Variants in FHOD1 observed in about 807,000 individuals in gnomAD.
FHOD1 encodes the protein formin homology 2 domain containing 1.
FHOD1 carries 89 observed loss-of-function variants against 111.6 expected under a neutral mutation model. That is an observed-to-expected ratio of 0.80 (90% confidence interval 0.67 to 0.95). FHOD1 has a LOEUF of 0.95. Ranked by LOEUF, FHOD1 falls within the 40% of genes least tolerant of loss-of-function variation. The pLI is 0.00. For missense variants in FHOD1, 1,446 were observed against 1,554.2 expected, an observed-to-expected ratio of 0.93 and a Z score of 1.17; for synonymous variants, 618 against 639.0, an observed-to-expected ratio of 0.97 and a Z score of 0.50.
At chr16:67,236,132 C>T in intron 11 of FHOD1, 2 of 717,844 alleles carry the variant, frequency 2.8e-6, no homozygotes, top group Non-Finnish European at 3.4e-6. Flanking sequence ...GTTGCTCATA[C>T]CCACACAGAG....
chr16:67,247,325 A>T lies in FHOD1; in HGVS notation c.86T>A (p.Phe29Tyr). Residue 29 changes from phenylalanine to tyrosine, a missense_variant, in exon 1 of 22, where the codon TTC becomes TAC. By Grantham distance (22) the Phe-to-Tyr change is conservative. Transcript: ENST00000258201. ...CGGCTCCGGAAAGTTGGCACATGCG[A>T]AGGGGTCGGTGTCTTCCAGGTACTG... The part of the protein sequence containing the change: ...RVQYLEDTDP[F>Y]ACANFPEPRR... 6.2e-7 allele frequency: 1 copy of T among 1,613,602 alleles called. No homozygotes were observed. The highest frequency in any genetic ancestry group is 8.5e-7 in the Non-Finnish European group (1 of 1,179,812).
At position 67,237,545 on chromosome 16, in the gene FHOD1, A is replaced by G; in HGVS notation, c.779T>C (p.Val260Ala). The G allele has an allele frequency of 1.9e-6, 3 of 1,614,148 alleles. No individual in the cohort carries two copies. Among genetic ancestry groups the G allele is most frequent in the South Asian group, 1.1e-5 (1 of 91,082 alleles). Residue 260 changes from valine (V) to alanine (A), a missense_variant, in exon 8 of 22, where the codon GTG becomes GCG. Val to Ala is a moderately conservative substitution (Grantham distance 64). This residue lies in a region of FHOD1 where 234 missense variants were observed against 327.4 expected (regional missense o/e 0.71). Coordinates refer to ENST00000258201, the MANE Select transcript of FHOD1 (RefSeq NM_013241.3). The surrounding 1 kb of genome is among the most constrained non-coding windows in gnomAD (Gnocchi z 5.6). ...TTGAPPWANL[V>A]SILEEKNGAD... Reference sequence around the variant, plus strand: ...GCCATTCTTCTCCTCCAGGATGGACACCAGATTGGCCCAGGGAGGAGCACC... The same window carrying G: ...GCCATTCTTCTCCTCCAGGATGGACGCCAGATTGGCCCAGGGAGGAGCACC...
Position 67,230,183 on chromosome 16 carries a change from A to G in FHOD1, c.3097T>C (p.Ser1033Pro). Residue 1033 changes from serine to proline, a missense_variant, in exon 20 of 22, where the codon TCT (serine) becomes CCT (proline). Transcript: ENST00000258201. ...GVAGEAPSNP[S>P]VPVAVSSGPG... ...CCGCTGCTCACTGCTACTGGGACAG[A>G]GGGGTTGCTGGGGGCTTCCCCAGCC... 1 of 1,613,988 alleles carries G rather than the reference A, an allele frequency of 6.2e-7. No individual in the cohort carries two copies. Among genetic ancestry groups the G allele is most frequent in the Non-Finnish European group, 8.5e-7 (1 of 1,179,910 alleles).
At chr16:67,246,032 G>A (rs966891475) in intron 1 of FHOD1, among the ~76,000 whole-genome samples, 8 of 152,206 alleles carry the variant, frequency 5.3e-5, no homozygotes, top group Non-Finnish European at 8.8e-5. Context: ...GGTGAGCAGT[G>A]TCCTGCATCC....
chr16:67,237,070 G>T lies in FHOD1; in HGVS notation c.1038C>A (p.Gly346=), dbSNP rs1174654331. 2 of 1,613,042 alleles carry T rather than the reference G, an allele frequency of 1.2e-6. No individual in the cohort carries two copies. The highest frequency in any genetic ancestry group is 1.7e-6 in the Non-Finnish European group (2 of 1,179,718). ...LEDGDIEEAP[G]AGGRRERRKP... is the part of the protein sequence containing the mutation. ...TTCGTCGTTCCCGCCGCCCACCAGCGCCTGGGGCTTCTTCGATGTCTCCAT... is the reference window on the plus strand; with the variant it reads ...TTCGTCGTTCCCGCCGCCCACCAGCTCCTGGGGCTTCTTCGATGTCTCCAT... Residue 346 remains glycine, a synonymous_variant, in exon 10 of 22, where the codon GGC becomes GGA. Coordinates refer to ENST00000258201, the MANE Select transcript of FHOD1 (RefSeq NM_013241.3). The surrounding 1 kb of genome is among the most constrained non-coding windows in gnomAD (Gnocchi z 5.6).
chr16:67,236,791 A>C, intron 10 of FHOD1, 58 bp from the exon 11 acceptor site: 1 of 275,638 alleles, frequency 3.6e-6, no homozygotes, highest in Non-Finnish European at 4.4e-6. Flanking sequence ...GGGGCCTGTC[A>C]GTGGGGTGGG....
At position 67,232,108 on chromosome 16, in the gene FHOD1, T is replaced by TAA. The variant is rs1421343732; in HGVS notation, c.2132_2133insTT (p.Pro712TyrfsTer27). On this transcript the variant is annotated frameshift_variant, in exon 14 of 22. Coordinates refer to ENST00000258201, the MANE Select transcript of FHOD1 (RefSeq NM_013241.3). LOFTEE classifies it high-confidence loss of function. ...GAGCAGCCTTAATGACATGCACAGG[T>TAA]GGCAGTGTGGTTAGGCCGATGTTGA... The TAA allele has an allele frequency of 1.2e-6, 2 of 1,614,056 alleles. No individual in the cohort carries two copies. Among genetic ancestry groups the TAA allele is most frequent in the African/African-American group, 2.7e-5 (2 of 74,912 alleles).
At chr16:67,244,783 G>A (rs1374724704) in intron 1 of FHOD1, among the ~76,000 whole-genome samples, 1 of 152,170 alleles carries the variant, frequency 6.6e-6, no homozygotes, top group Non-Finnish European at 1.5e-5. Flanking sequence ...CTGTACATAG[G>A]ACGAAGCAAT....
chr16:67,239,466 G>A lies in FHOD1; in HGVS notation c.202-12C>T. 1 of 1,601,288 alleles carries A rather than the reference G, an allele frequency of 6.2e-7. No homozygotes were observed. The highest frequency in any genetic ancestry group is 2.2e-5 in the East Asian group (1 of 44,820). On this transcript the variant is annotated splice_polypyrimidine_tract_variant and intron_variant, in intron 1 of 21. Transcript: ENST00000258201. ...GCACAATCCTCCAACTGGGGGCAAA[G>A]GGAACAGCTGTGAGACTGAGGAAGA...
In FHOD1 at chr16:67,231,458, G is replaced by A. The variant is rs1238484050; in HGVS notation, c.2477C>T (p.Ala826Val). Residue 826 changes from alanine to valine, a missense_variant, in exon 16 of 22, where the codon GCG (alanine) becomes GTG (valine). Coordinates refer to ENST00000258201, the MANE Select transcript of FHOD1 (RefSeq NM_013241.3). This position sits in a 1 kb window ranked among gnomAD's most constrained non-coding sequence, Gnocchi z 4.3. ...GGAGCCATTGAGGAAGTTGCCCACC[G>A]CTAGGAGGGTAGCCAGGATGCAGCG... Reference protein sequence around the residue: ...TFRCILATLLAVGNFLNGSQS... With the variant: ...TFRCILATLLVVGNFLNGSQS... 6.8e-6 allele frequency: 11 copies of A among 1,614,138 alleles called. No individual in the cohort carries two copies. Among genetic ancestry groups the A allele is most frequent in the East Asian group, 4.5e-5 (2 of 44,884 alleles).
At chr16:67,244,494 CAG>C (rs1220318856) in intron 1 of FHOD1, among the ~76,000 whole-genome samples, 1 of 152,098 alleles carries the variant, frequency 6.6e-6, no homozygotes, top group African/African-American at 2.4e-5. Flanking sequence ...GGAGATGAGT[CAG>C]AGGCTGTGGC....
chr16:67,234,375 C>T lies in FHOD1; in HGVS notation c.1417G>A (p.Glu473Lys). ...AETLAGAMPN[E>K]AGGHPDARQL... is the part of the protein sequence containing the mutation. ...TACTCACCTGGGTGTCCACCCGCCT[C>T]ATTGGGCATGGCCCCGGCAAGTGTC... Residue 473 changes from glutamate to lysine, a missense_variant, in exon 12 of 22, where the codon GAG becomes AAG. Coordinates refer to ENST00000258201, the MANE Select transcript of FHOD1 (RefSeq NM_013241.3). 1.2e-6 allele frequency: 2 copies of T among 1,610,940 alleles called. No homozygotes were observed. Among genetic ancestry groups the T allele is most frequent in the East Asian group, 2.2e-5 (1 of 44,856 alleles).
Position 67,234,160 on chromosome 16 carries a change from G to T in FHOD1, c.1543C>A (p.Pro515Thr), listed in dbSNP as rs1336571223. 6.4e-7 allele frequency: 1 copy of T among 1,558,902 alleles called. No individual in the cohort carries two copies. The highest frequency in any genetic ancestry group is 1.4e-5 in the African/African-American group (1 of 73,566). Residue 515 changes from proline (P) to threonine (T), a missense_variant, in exon 13 of 22, where the codon CCC (proline) becomes ACC (threonine). Coordinates refer to ENST00000258201, the MANE Select transcript of FHOD1 (RefSeq NM_013241.3). ...CTTGCTGGTATCAGTGGCTCCTTGG[G>T]CTCTGGTGCAAGGCTTCGCTGGGCC... ...LRAQRSLAPEPKEPLIPASPK... is the reference protein window; with the variant it reads ...LRAQRSLAPETKEPLIPASPK...
Position 67,233,716 on chromosome 16 carries a change from C to G in FHOD1, c.1987G>C (p.Asp663His), listed in dbSNP as rs200811858. 2 of 1,612,004 alleles carry G rather than the reference C, an allele frequency of 1.2e-6. No individual in the cohort carries two copies. Among genetic ancestry groups the G allele is most frequent in the African/African-American group, 1.3e-5 (1 of 74,970 alleles). The change falls in exon 13 of 22, where the codon GAC becomes CAC. Residue 663 changes from aspartate to histidine, a missense_variant. Physicochemically the swap from Asp to His is moderately conservative, Grantham distance 81. This residue lies in a region of FHOD1 where 1,085 missense variants were observed against 1,108.8 expected (regional missense o/e 0.98). Transcript: ENST00000258201. The stretch of plus-strand genomic sequence containing the variant: ...AAGAGGTGTTCCAGTCGGGCCGTGT[C>G]CACTGAGACAGGGTCCAGTGAAGCC... Reference protein sequence around the residue: ...LWASLDPVSVDTARLEHLFES... With the variant: ...LWASLDPVSVHTARLEHLFES...
intron 11 of FHOD1, 97 bp downstream of exon 11, chr16:67,236,460 G>A (rs887806459): frequency 2.0e-6 from 3 of 1,531,864 alleles, no homozygotes; most frequent in Non-Finnish European, 1.8e-6. Flanking sequence ...GAGAAAGCAC[G>A]CGTTTGGGCA....
rs1300626192 is a variant in FHOD1, at chr16:67,231,440, T to C, written c.2495A>G (p.Asn832Ser). The C allele has an allele frequency of 3.7e-6, 6 of 1,613,936 alleles. No individual in the cohort carries two copies. Among genetic ancestry groups the C allele is most frequent in the Admixed American group, 1.7e-5 (1 of 59,998 alleles). The change falls in exon 16 of 22, where the codon AAT (asparagine) becomes AGT (serine). Residue 832 changes from asparagine (N) to serine (S), a missense_variant. This residue lies in a region of FHOD1 where 1,085 missense variants were observed against 1,108.8 expected (regional missense o/e 0.98). Coordinates refer to ENST00000258201, the MANE Select transcript of FHOD1 (RefSeq NM_013241.3). This position sits in a 1 kb window ranked among gnomAD's most constrained non-coding sequence, Gnocchi z 4.3. ...TGTACTCTCACTCACCTGGGAGCCA[T>C]TGAGGAAGTTGCCCACCGCTAGGAG... ...ATLLAVGNFL[N>S]GSQSSGFELS... is the part of the protein sequence containing the mutation.
chr16:67,242,971 CTATT>C (rs1483597112), intron 1 of FHOD1, among the ~76,000 whole-genome samples: 1 of 150,936 alleles, frequency 6.6e-6, no homozygotes, highest in Non-Finnish European at 1.5e-5. Flanking sequence ...AGCTATGTAT[CTATT>C]ATATATATCT....
At chr16:67,244,401 G>A (rs1351698676) in intron 1 of FHOD1, among the ~76,000 whole-genome samples, 1 of 152,070 alleles carries the variant, frequency 6.6e-6, no homozygotes, top group African/African-American at 2.4e-5. Flanking sequence ...ATTTTGGAGG[G>A]GAGGAAGGCA....
At chr16:67,235,319 C>T (rs2034436566) in intron 11 of FHOD1, among the ~76,000 whole-genome samples, 1 of 152,078 alleles carries the variant, frequency 6.6e-6, no homozygotes, top group Non-Finnish European at 1.5e-5. Flanking sequence ...TACTTGAAGT[C>T]AGGAGTTCGA....
Sources: allele counts gnomAD v4.1 joint callset (sites outside exome capture counted in the v4.1 genomes callset), GRCh38; gene constraint gnomAD v4.1.1; regional missense constraint gnomAD v4.1.1; non-coding constraint Gnocchi (gnomAD v3.1); transcripts MANE v1.5; gene names NCBI Gene and HGNC (gene_info 2026-07-23, HGNC 2026-07-21).